SETBP1: variants seen among roughly 807,000 people sequenced by gnomAD.
SETBP1 encodes the protein SET-binding protein.
SETBP1 carries 9 observed loss-of-function variants against 101.0 expected under a neutral mutation model. The ratio of observed to expected loss-of-function variants is 0.09; its 90% CI spans 0.05 to 0.16. The LOEUF is 0.16. Ranked by LOEUF, SETBP1 falls within the 10% of genes least tolerant of loss-of-function variation. SETBP1 has a pLI of 1.00. For synonymous variants in SETBP1, 818 were observed against 788.5 expected, an observed-to-expected ratio of 1.04 and a Z score of -0.63; for missense variants, 1,858 against 2,033.8, an observed-to-expected ratio of 0.91 and a Z score of 1.66.
At chr18:44,852,986 C>T (rs529203972) in intron 2 of SETBP1, among the ~76,000 whole-genome samples, 10 of 152,332 alleles carry the variant, frequency 6.6e-5, no homozygotes, top group African/African-American at 2.4e-4. Flanking sequence ...TGGAATTCAA[C>T]CCCAAAGCCA....
At chr18:44,911,070 A>G (rs2070297001) in intron 3 of SETBP1, among the ~76,000 whole-genome samples, 1 of 152,232 alleles carries the variant, frequency 6.6e-6, no homozygotes, top group South Asian at 2.1e-4. Flanking sequence ...GAAAAGTGAG[A>G]AACAGTTTCC....
intron 2 of SETBP1, among the ~76,000 whole-genome samples, chr18:44,722,149 T>C (rs1234296175): frequency 6.6e-6 from 1 of 152,194 alleles, no homozygotes; most frequent in African/African-American, 2.4e-5. Context: ...GACATGCATG[T>C]GTGTACCGAA....
chr18:45,043,855 T>C (rs1394266173), intron 5 of SETBP1, among the ~76,000 whole-genome samples: 1 of 152,204 alleles, frequency 6.6e-6, no homozygotes, highest in African/African-American at 2.4e-5. Flanking sequence ...AGAATGAAAT[T>C]CAGCATACTA....
intron 2 of SETBP1, among the ~76,000 whole-genome samples, chr18:44,791,772 C>T (rs1241015840): frequency 6.6e-6 from 1 of 152,136 alleles, no homozygotes; most frequent in Non-Finnish European, 1.5e-5. Context: ...AGAGCGCTTA[C>T]AAACGCCTCC....
intron 4 of SETBP1, among the ~76,000 whole-genome samples, chr18:45,026,781 C>T (rs2073172995): frequency 6.6e-6 from 1 of 151,662 alleles, no homozygotes; most frequent in Non-Finnish European, 1.5e-5. Flanking sequence ...TCCATCTGTG[C>T]TTTGTCCTTC....
intron 3 of SETBP1, among the ~76,000 whole-genome samples, chr18:44,930,140 C>T (rs1358499612): frequency 6.6e-6 from 1 of 152,166 alleles, no homozygotes; most frequent in Non-Finnish European, 1.5e-5. Flanking sequence ...GAGTTTTTAG[C>T]ATGAAGCGCT....
chr18:44,888,800 T>C (rs1280890186), intron 3 of SETBP1, among the ~76,000 whole-genome samples: 1 of 152,122 alleles, frequency 6.6e-6, no homozygotes, highest in African/African-American at 2.4e-5. Context: ...TAGAAAAAGT[T>C]GACAACCAGT....
chr18:45,011,733 G>T (rs2072842519), intron 4 of SETBP1, among the ~76,000 whole-genome samples: 1 of 152,166 alleles, frequency 6.6e-6, no homozygotes, highest in Non-Finnish European at 1.5e-5. Context: ...ATGTGCATTG[G>T]CTCTTTGCAC....
chr18:44,828,734 A>G lies in SETBP1; in HGVS notation c.487-40496A>G, dbSNP rs147102769. Among the ~76,000 whole-genome samples the G allele has an allele frequency of 8.5e-5, 13 of 152,352 alleles. No homozygotes were observed. The East Asian group carries it at 2.5e-3, about 29-fold the overall frequency. On this transcript the variant is annotated intron_variant, in intron 2 of 5. Transcript: ENST00000649279. ...CCTAACTCCCAATGTGACTGTATTCAGAGTGAAAAAGTAATTGCGGTTAAG... is the reference window on the plus strand; with the variant it reads ...CCTAACTCCCAATGTGACTGTATTCGGAGTGAAAAAGTAATTGCGGTTAAG...
chr18:45,012,969 G>A (rs1473413610), intron 4 of SETBP1, among the ~76,000 whole-genome samples: 1 of 152,212 alleles, frequency 6.6e-6, no homozygotes. Flanking sequence ...GTAACTCCTA[G>A]ATTTAGTCAA....
intron 2 of SETBP1, among the ~76,000 whole-genome samples, chr18:44,722,721 T>C (rs2069627256): frequency 6.6e-6 from 1 of 152,186 alleles, no homozygotes; most frequent in South Asian, 2.1e-4. Flanking sequence ...GTTCTGATGG[T>C]CACTAAAGGA....
intron 4 of SETBP1, among the ~76,000 whole-genome samples, chr18:45,019,113 C>T (rs2073007112): frequency 6.6e-6 from 1 of 152,156 alleles, no homozygotes; most frequent in African/African-American, 2.4e-5. Flanking sequence ...GCCTAGAACC[C>T]AGGAACTCTC....
Position 45,003,726 on chromosome 18 carries a change from T to C in SETBP1, c.4001-34759T>C, listed in dbSNP as rs115401803. 6.6e-3 allele frequency among the ~76,000 whole-genome samples: 1,008 copies of C among 152,316 alleles called. 9 individuals carry two copies. Among genetic ancestry groups the C allele is most frequent in the African/African-American group, 0.023 (941 of 41,558 alleles). On this transcript the variant is annotated intron_variant, in intron 4 of 5. Transcript: ENST00000649279. ...AAACAGCAGTAATCTGAAAGTCTTTTTTTCTTTTCCTAAATCTTCACAAGG... is the reference window on the plus strand; with the variant it reads ...AAACAGCAGTAATCTGAAAGTCTTTCTTTCTTTTCCTAAATCTTCACAAGG...
chr18:44,884,052 A>G (rs2069587793), intron 3 of SETBP1, among the ~76,000 whole-genome samples: 1 of 152,192 alleles, frequency 6.6e-6, no homozygotes, highest in African/African-American at 2.4e-5. Flanking sequence ...ATTTCCTAGC[A>G]ACGAAATGAG....
At chr18:44,719,882 A>G (rs1339799899) in intron 2 of SETBP1, among the ~76,000 whole-genome samples, 1 of 152,206 alleles carries the variant, frequency 6.6e-6, no homozygotes, top group Non-Finnish European at 1.5e-5. Context: ...CAGAGGTCAA[A>G]GCACACAGCC....
intron 4 of SETBP1, among the ~76,000 whole-genome samples, chr18:45,025,961 C>T (rs775329876): frequency 6.6e-6 from 1 of 152,268 alleles, no homozygotes; most frequent in African/African-American, 2.4e-5. Flanking sequence ...ATATCAAGCT[C>T]TTTTTTCAAT....
intron 2 of SETBP1, among the ~76,000 whole-genome samples, chr18:44,822,786 C>T (rs997434393): frequency 3.3e-5 from 5 of 152,220 alleles, no homozygotes; most frequent in African/African-American, 1.2e-4. Flanking sequence ...CCCAATCTCA[C>T]CTCCCCACTA....
chr18:44,915,477 C>T (rs1185287378), intron 3 of SETBP1, among the ~76,000 whole-genome samples: 2 of 152,192 alleles, frequency 1.3e-5, no homozygotes, highest in Non-Finnish European at 2.9e-5. Flanking sequence ...CAAACATGAT[C>T]TCAGCCTTCA....
intron 2 of SETBP1, among the ~76,000 whole-genome samples, chr18:44,839,094 C>A (rs1828426560): frequency 6.6e-6 from 1 of 151,662 alleles, no homozygotes; most frequent in African/African-American, 2.4e-5. Flanking sequence ...AAAACCCAGC[C>A]TTCTCATTGC....
Sources: allele counts gnomAD v4.1 joint callset (sites outside exome capture counted in the v4.1 genomes callset), GRCh38; gene constraint gnomAD v4.1.1; transcripts MANE v1.5; gene names NCBI Gene and HGNC (gene_info 2026-07-23, HGNC 2026-07-21).